SHC4: variants seen among roughly 807,000 people sequenced by gnomAD.
The protein encoded by SHC4 is SHC-transforming protein 4.
Under a neutral mutation model 69.4 loss-of-function variants are expected in SHC4, and 41 were observed. That is an observed-to-expected ratio of 0.59 (90% CI 0.46 to 0.77). SHC4 has a LOEUF of 0.77. Among genes scored for constraint, SHC4 ranks in the 30% least tolerant of loss-of-function variants. The pLI is 0.00. For missense variants in SHC4, 777 were observed against 783.8 expected (o/e 0.99, Z 0.10); for synonymous variants, 318 against 299.3 (o/e 1.06, Z -0.64).
intron 8 of SHC4, among the ~76,000 whole-genome samples, chr15:48,853,976 T>C (rs1899263935): frequency 6.6e-6 from 1 of 151,978 alleles, no homozygotes; most frequent in Admixed American, 6.6e-5. Flanking sequence ...AATGGACAAA[T>C]GGGACCTAAA....
intron 4 of SHC4, chr15:48,878,895 C>A: frequency 1.7e-6 from 1 of 581,874 alleles, no homozygotes; most frequent in Non-Finnish European, 3.0e-6. Context: ...AGTGACTGCA[C>A]AGTTGTGAAA....
At chr15:48,930,172 G>A (rs1217696882) in intron 1 of SHC4, among the ~76,000 whole-genome samples, 3 of 152,218 alleles carry the variant, frequency 2.0e-5, no homozygotes, top group East Asian at 3.8e-4. Context: ...GAAACTAACA[G>A]TGGTTGCTTT....
intron 1 of SHC4, among the ~76,000 whole-genome samples, chr15:48,951,598 T>C (rs951215892): frequency 2.0e-5 from 3 of 152,184 alleles, no homozygotes; most frequent in African/African-American, 7.2e-5. Context: ...TCTTGCACTG[T>C]TTAACCAAGT....
intron 1 of SHC4, among the ~76,000 whole-genome samples, chr15:48,951,444 T>C (rs1052437773): frequency 1.2e-4 from 18 of 152,204 alleles, no homozygotes; most frequent in African/African-American, 4.1e-4. Context: ...CCATGTAATC[T>C]TCCTAAAGCA....
At chr15:48,952,751 A>C (rs7402625) in intron 1 of SHC4, among the ~76,000 whole-genome samples, 40,519 of 152,186 alleles carry the variant, frequency 0.27, 5,877 homozygotes, top group East Asian at 0.44. Context: ...AATGGTTATT[A>C]AAATGTCAAA....
chr15:48,933,050 A>G (rs767365337), intron 1 of SHC4, among the ~76,000 whole-genome samples: 1 of 152,236 alleles, frequency 6.6e-6, no homozygotes, highest in Non-Finnish European at 1.5e-5. Flanking sequence ...CATAAAGGCC[A>G]AAAACTCAGT....
intron 6 of SHC4, among the ~76,000 whole-genome samples, chr15:48,858,981 A>G (rs1037564882): frequency 6.6e-6 from 1 of 152,202 alleles, no homozygotes. Flanking sequence ...CAGCATTTTG[A>G]AAACAAACCT....
At chr15:48,891,094 T>C (rs1900129329) in intron 2 of SHC4, among the ~76,000 whole-genome samples, 1 of 151,286 alleles carries the variant, frequency 6.6e-6, no homozygotes, top group African/African-American at 2.5e-5. Flanking sequence ...TTTTGTTTAT[T>C]GTGTTGTTGA....
rs147105027 is a variant in SHC4 at position 48,842,705 on chromosome 15, G to A, written c.1483+704C>T. 6.2e-3 allele frequency among the ~76,000 whole-genome samples: 946 copies of A among 152,294 alleles called. 6 individuals carry two copies. The highest frequency in any genetic ancestry group is 8.1e-3 in the Non-Finnish European group (549 of 68,016). Reference sequence around the variant, plus strand: ...ATGCTTTGAGAGGCCGAGGCAGGCAGATGGCATGGGCCCAGGAGTTTTGAG... The same window carrying A: ...ATGCTTTGAGAGGCCGAGGCAGGCAAATGGCATGGGCCCAGGAGTTTTGAG... On this transcript the variant is annotated intron_variant, in intron 10 of 11. Transcript: ENST00000332408.
chr15:48,857,734 T>G lies in SHC4; in HGVS notation c.1028A>C (p.Lys343Thr), dbSNP rs200711127. 4.4e-6 allele frequency: 7 copies of G among 1,606,660 alleles called. No homozygotes were observed. The East Asian group carries it at 1.6e-4, about 36-fold the overall frequency. Residue 343 changes from lysine (K) to threonine (T), a missense_variant, in exon 7 of 12, where the codon AAA (lysine) becomes ACA (threonine). Lys to Thr is a moderately conservative substitution (Grantham distance 78). Transcript: ENST00000332408. ...TIGQAFELRF[K>T]QYLKNPSLNT... ...CAAAGAAGGATTTTTCAAGTACTGTTTAAACCGGAGTTCAAAAGCCTGCCC... is the reference window on the plus strand; with the variant it reads ...CAAAGAAGGATTTTTCAAGTACTGTGTAAACCGGAGTTCAAAAGCCTGCCC...
intron 11 of SHC4, 134 bp downstream of exon 11, chr15:48,834,635 G>A (rs1369431712): frequency 3.4e-5 from 45 of 1,311,194 alleles, no homozygotes; most frequent in Non-Finnish European, 4.7e-5. Context: ...AGCATGTCCT[G>A]CTCCAGCTGG....
At position 48,843,553 on chromosome 15, in the gene SHC4, C is replaced by T. The variant is rs1899032326; in HGVS notation, c.1339G>A (p.Asp447Asn). The T allele has an allele frequency of 1.2e-6, 2 of 1,614,152 alleles. No homozygotes were observed. Among genetic ancestry groups the T allele is most frequent in the East Asian group, 4.5e-5 (2 of 44,892 alleles). Residue 447 changes from aspartate (D) to asparagine (N), a missense_variant, in exon 10 of 12, where the codon GAT becomes AAT. Asp to Asn is a conservative substitution (Grantham distance 23, BLOSUM62 1). Coordinates refer to ENST00000332408, the MANE Select transcript of SHC4 (RefSeq NM_203349.4). ...CACGTGTGCTTCAATAATGAGGTAT[C>T]TCGCTGGGACTGCACCCCTCTTGGA... ...VHPRGVQSQR[D>N]TSLLKHTCRV... is the part of the protein sequence containing the mutation.
At chr15:48,830,771 A>G (rs904308197) in intron 11 of SHC4, among the ~76,000 whole-genome samples, 5 of 152,258 alleles carry the variant, frequency 3.3e-5, no homozygotes, top group African/African-American at 1.2e-4. Flanking sequence ...GAGCAAATCT[A>G]TGATGAAAAA....
intron 1 of SHC4, among the ~76,000 whole-genome samples, chr15:48,956,467 C>T (rs980857467): frequency 9.9e-5 from 15 of 152,180 alleles, no homozygotes; most frequent in African/African-American, 3.4e-4. Context: ...ATTTCTGTCA[C>T]TTCTGCAGTC....
chr15:48,871,660 A>T (rs1899680408), intron 5 of SHC4, among the ~76,000 whole-genome samples: 1 of 152,128 alleles, frequency 6.6e-6, no homozygotes, highest in South Asian at 2.1e-4. Flanking sequence ...TCCAGATTAG[A>T]CTTAGTTGAC....
At position 48,855,991 on chromosome 15, in the gene SHC4, C is replaced by G. The variant is rs776220038; in HGVS notation, c.1204G>C (p.Ala402Pro). The G allele has an allele frequency of 6.2e-6, 10 of 1,613,758 alleles. No homozygotes were observed. Among genetic ancestry groups the G allele is most frequent in the Non-Finnish European group, 8.5e-6 (10 of 1,179,814 alleles). ...TTTTCACACTGTATGGGGCAGTAAG[C>G]CATTTGTTCCGTGGCTTGAACTTTG... is the stretch of plus-strand genomic sequence containing the variant. ...RIKVQATEQM[A>P]YCPIQCEKLC... The change falls in exon 8 of 12, where the codon GCT becomes CCT. Residue 402 changes from alanine (A) to proline (P), a missense_variant. Transcript: ENST00000332408.
intron 6 of SHC4, among the ~76,000 whole-genome samples, chr15:48,866,921 C>T (rs1204621739): frequency 6.6e-6 from 1 of 152,220 alleles, no homozygotes; most frequent in Non-Finnish European, 1.5e-5. Flanking sequence ...AGAAGCAATA[C>T]TAACCATGTG....
intron 1 of SHC4, among the ~76,000 whole-genome samples, chr15:48,959,266 C>T (rs1901500498): frequency 6.6e-6 from 1 of 152,212 alleles, no homozygotes; most frequent in South Asian, 2.1e-4. Flanking sequence ...TATTGCTCTC[C>T]ATAGCACTTA....
intron 1 of SHC4, among the ~76,000 whole-genome samples, chr15:48,937,370 CT>C (rs1345338394): frequency 6.6e-6 from 1 of 152,030 alleles, no homozygotes; most frequent in African/African-American, 2.4e-5. Context: ...GCCCTGATGC[CT>C]TTTTACAGAT....
Sources: allele counts gnomAD v4.1 joint callset (sites outside exome capture counted in the v4.1 genomes callset), GRCh38; gene constraint gnomAD v4.1.1; transcripts MANE v1.5; gene names NCBI Gene and HGNC (gene_info 2026-07-23, HGNC 2026-07-21).